The following METTL15 variants were observed in gnomAD, a reference collection of about 807,000 sequenced individuals.
The protein encoded by METTL15 is 12S rRNA N(4)-cytidine methyltransferase METTL15.
A neutral mutation model predicts 38.3 loss-of-function variants in METTL15; 34 were observed. The ratio of observed to expected loss-of-function variants is 0.89; its 90% confidence interval spans 0.68 to 1.18. The LOEUF (loss-of-function observed/expected upper bound fraction) is 1.18. Ranked by LOEUF, METTL15 falls within the 50% of genes most tolerant of loss-of-function variation. METTL15 has a pLI of 0.00. For synonymous variants in METTL15, 162 were observed against 170.9 expected (o/e 0.95, Z 0.41); for missense variants, 438 against 498.4 (o/e 0.88, Z 1.15).
chr11:28,376,340 T>C (rs556536088), intron 5 of METTL15, among the ~76,000 whole-genome samples: 14 of 152,254 alleles, frequency 9.2e-5, no homozygotes, highest in Non-Finnish European at 1.9e-4. Flanking sequence ...TTTATGAATC[T>C]GGGTGCTCCT....
chr11:28,128,325 A>G (rs148988265), intron 3 of METTL15, among the ~76,000 whole-genome samples: 4 of 152,266 alleles, frequency 2.6e-5, no homozygotes, highest in East Asian at 1.9e-4. Flanking sequence ...TTCATATTCT[A>G]TAAGAATGTT....
chr11:28,451,410 C>T (rs1461103887), intron 6 of METTL15, among the ~76,000 whole-genome samples: 1 of 151,820 alleles, frequency 6.6e-6, no homozygotes, highest in Non-Finnish European at 1.5e-5. Context: ...ACGGTGAAAC[C>T]CCGTCTCTAC....
intron 6 of METTL15, among the ~76,000 whole-genome samples, chr11:28,480,289 G>A (rs1049710094): frequency 1.3e-5 from 2 of 152,148 alleles, no homozygotes; most frequent in African/African-American, 2.4e-5. Flanking sequence ...CACTGTGACT[G>A]ATTTTAAGCT....
chr11:28,217,500 C>T (rs926475820), intron 4 of METTL15, among the ~76,000 whole-genome samples: 3 of 152,024 alleles, frequency 2.0e-5, no homozygotes, highest in East Asian at 1.9e-4. Context: ...TTCTCCCATT[C>T]TGTAGGTTGC....
At chr11:28,163,316 A>G (rs1850537435) in intron 3 of METTL15, 1 of 397,596 alleles carries the variant, frequency 2.5e-6, no homozygotes, top group African/African-American at 2.1e-5. Flanking sequence ...AAATATTATT[A>G]TTTTATTCAC....
intron 4 of METTL15, among the ~76,000 whole-genome samples, chr11:28,228,090 A>G (rs1045427740): frequency 6.6e-6 from 1 of 151,952 alleles, no homozygotes; most frequent in Non-Finnish European, 1.5e-5. Context: ...GAGACAAGGA[A>G]TAAGTTCAGT....
chr11:28,383,314 G>T (rs1356942272), intron 5 of METTL15, among the ~76,000 whole-genome samples: 2 of 152,062 alleles, frequency 1.3e-5, no homozygotes, highest in African/African-American at 4.8e-5. Context: ...TTTTATGGGT[G>T]GGTAGTGTTC....
chr11:28,313,085 T>C (rs1334265921), intron 6 of METTL15, among the ~76,000 whole-genome samples: 2 of 152,106 alleles, frequency 1.3e-5, no homozygotes, highest in Admixed American at 6.6e-5. Context: ...TTTGGAGTTA[T>C]ACAAAAACCT....
At chr11:28,379,798 G>A (rs961563817) in intron 5 of METTL15, among the ~76,000 whole-genome samples, 1 of 152,098 alleles carries the variant, frequency 6.6e-6, no homozygotes. Flanking sequence ...GTCCCTTACT[G>A]AGCGTGGATT....
intron 5 of METTL15, among the ~76,000 whole-genome samples, chr11:28,397,113 T>A (rs1389400103): frequency 6.6e-6 from 1 of 152,076 alleles, no homozygotes; most frequent in South Asian, 2.1e-4. Flanking sequence ...AAGACTTAAA[T>A]GTTAGACCTA....
chr11:28,350,035 TAGAC>T (rs1324734157), intron 3 of METTL15, among the ~76,000 whole-genome samples: 1 of 152,234 alleles, frequency 6.6e-6, no homozygotes, highest in Non-Finnish European at 1.5e-5. Flanking sequence ...CCACCTGTAT[TAGAC>T]AGGCTATTAG....
chr11:28,502,128 C>A (rs1474008905), intron 6 of METTL15, among the ~76,000 whole-genome samples: 1 of 151,320 alleles, frequency 6.6e-6, no homozygotes, highest in Non-Finnish European at 1.5e-5. Context: ...AAAAAAAGCT[C>A]TTCCACAAGG....
chr11:28,500,499 C>G (rs898186373), intron 6 of METTL15, among the ~76,000 whole-genome samples: 1 of 151,826 alleles, frequency 6.6e-6, no homozygotes, highest in Non-Finnish European at 1.5e-5. Context: ...GAGTTTGATC[C>G]TGTGCATATG....
intron 4 of METTL15, among the ~76,000 whole-genome samples, chr11:28,354,654 C>G (rs899332925): frequency 1.3e-5 from 2 of 152,076 alleles, no homozygotes; most frequent in Non-Finnish European, 2.9e-5. Flanking sequence ...TCAGCTCATT[C>G]AACAACAGAA....
intron 4 of METTL15, among the ~76,000 whole-genome samples, chr11:28,246,842 CTAGT>C (rs1363354815): frequency 6.6e-5 from 10 of 152,048 alleles, no homozygotes; most frequent in Admixed American, 2.0e-4. Flanking sequence ...CATGTGGCAG[CTAGT>C]TAATCACTTG....
rs150950537 is a variant in METTL15 at position 28,274,173 on chromosome 11, G to A, written c.408-16033G>A. Among the ~76,000 whole-genome samples, 20 of 152,046 alleles carry A rather than the reference G, an allele frequency of 1.3e-4. No individual in the cohort carries two copies. The East Asian group carries it at 3.9e-3, about 29-fold the overall frequency. Reference sequence around the variant, plus strand: ...CCCAGCTAATTAATTTGTGTTTACAGAAGGAATTAATTTTTCTTACTCTTA... The same window carrying A: ...CCCAGCTAATTAATTTGTGTTTACAAAAGGAATTAATTTTTCTTACTCTTA... On this transcript the variant is annotated intron_variant, in intron 4 of 6. Coordinates refer to ENST00000407364, the MANE Select transcript of METTL15 (RefSeq NM_001113528.2).
chr11:28,280,859 AT>A (rs1286112480), intron 4 of METTL15, among the ~76,000 whole-genome samples: 3 of 150,970 alleles, frequency 2.0e-5, no homozygotes, highest in Admixed American at 6.6e-5. Context: ...TTTTTATTTT[AT>A]TTAACTGTTT....
At chr11:28,462,996 G>T (rs1851228733) in intron 6 of METTL15, among the ~76,000 whole-genome samples, 1 of 152,174 alleles carries the variant, frequency 6.6e-6, no homozygotes, top group African/African-American at 2.4e-5. Context: ...AAGAGTCCAA[G>T]AAAATGACAG....
intron 5 of METTL15, among the ~76,000 whole-genome samples, chr11:28,381,183 C>A (rs745875507): frequency 2.0e-5 from 3 of 151,846 alleles, no homozygotes; most frequent in Admixed American, 1.3e-4. Context: ...TATTTTTGTA[C>A]GGATGGGGTC....
Sources: allele counts gnomAD v4.1 joint callset (sites outside exome capture counted in the v4.1 genomes callset), GRCh38; gene constraint gnomAD v4.1.1; transcripts MANE v1.5; gene names NCBI Gene and HGNC (gene_info 2026-07-23, HGNC 2026-07-21).